NRXN1: variants seen among roughly 807,000 people sequenced by gnomAD.
NRXN1 encodes neurexin-1.
Under a neutral mutation model 150.9 loss-of-function variants are expected in NRXN1, and 39 were observed. That is an observed-to-expected ratio of 0.26 (90% CI 0.20 to 0.34). The LOEUF (loss-of-function observed/expected upper bound fraction) is 0.34. Among genes scored for constraint, NRXN1 ranks in the 10% least tolerant of loss-of-function variants. The pLI is 1.00. For synonymous variants in NRXN1, 924 were observed against 757.0 expected (o/e 1.22, Z -3.62); for missense variants, 1,815 against 1,949.9 (o/e 0.93, Z 1.30).
intron 8 of NRXN1, among the ~76,000 whole-genome samples, chr2:50,563,732 G>A (rs992199487): frequency 2.6e-5 from 4 of 152,160 alleles, no homozygotes; most frequent in African/African-American, 9.7e-5. Flanking sequence ...TGTATGGACA[G>A]TTTTTATGAT....
At chr2:50,438,439 G>T (rs182745796) in intron 17 of NRXN1, among the ~76,000 whole-genome samples, 26 of 152,266 alleles carry the variant, frequency 1.7e-4, no homozygotes, top group Non-Finnish European at 2.9e-4. Flanking sequence ...CACTGGAACT[G>T]GGGGGAGTGG....
At chr2:50,447,737 T>TAATATATATATATATA (rs2086562012) in intron 17 of NRXN1, among the ~76,000 whole-genome samples, 1 of 37,930 alleles carries the variant, frequency 2.6e-5, no homozygotes, top group Non-Finnish European at 4.3e-5. Context: ...CAGGGGAACG[T>TAATATATATATATATA]TATATATATA....
intron 17 of NRXN1, among the ~76,000 whole-genome samples, chr2:50,334,421 C>G (rs1337643827): frequency 6.6e-6 from 1 of 151,956 alleles, no homozygotes; most frequent in Non-Finnish European, 1.5e-5. Context: ...ATAAGATTGC[C>G]TTTCTCTCTA....
chr2:50,594,407 C>G (rs1674811106), intron 8 of NRXN1, among the ~76,000 whole-genome samples: 1 of 152,094 alleles, frequency 6.6e-6, no homozygotes, highest in African/African-American at 2.4e-5. Flanking sequence ...AATCAACATG[C>G]ACATCAGCAC....
At chr2:50,278,452 A>G (rs2070960414) in intron 17 of NRXN1, among the ~76,000 whole-genome samples, 1 of 149,796 alleles carries the variant, frequency 6.7e-6, no homozygotes, top group African/African-American at 2.5e-5. Flanking sequence ...GTGCCTGGCC[A>G]TTGATCATAG....
chr2:50,831,885 G>A (rs1419200542), intron 5 of NRXN1, among the ~76,000 whole-genome samples: 1 of 152,186 alleles, frequency 6.6e-6, no homozygotes, highest in Non-Finnish European at 1.5e-5. Context: ...TTTGTGCACA[G>A]ATGCACAGAG....
chr2:50,219,781 G>C (rs2152855228), intron 18 of NRXN1, among the ~76,000 whole-genome samples: 1 of 149,440 alleles, frequency 6.7e-6, no homozygotes, highest in East Asian at 2.0e-4. Context: ...CCAGATACTT[G>C]AGAGGCTAAG....
rs1207302013 is a variant in NRXN1 at position 51,028,940 on chromosome 2, C to A, written c.-667G>T. On this transcript the variant is annotated 5_prime_UTR_variant, in exon 2 of 23. Transcript: ENST00000401669. ...TCTGTCATAGCATGGGCTTCAGCAC[C>A]GCTGCAGCCAAAGCCTAATTCCTTG... 1 of 152,180 alleles carries A rather than the reference C, an allele frequency of 6.6e-6. No homozygotes were observed. Among genetic ancestry groups the A allele is most frequent in the South Asian group, 2.1e-4 (1 of 4,824 alleles). The allele number at this position is 152,180 out of a possible 1,614,324, so 9.4% of individuals were successfully genotyped here.
intron 5 of NRXN1, among the ~76,000 whole-genome samples, chr2:50,818,978 T>C (rs1358237110): frequency 6.6e-6 from 1 of 152,066 alleles, no homozygotes; most frequent in East Asian, 1.9e-4. Context: ...AGCAATGCGA[T>C]ATCAACCGAC....
At chr2:50,964,542 A>G (rs993930076) in intron 2 of NRXN1, among the ~76,000 whole-genome samples, 2 of 151,458 alleles carry the variant, frequency 1.3e-5, no homozygotes, top group Non-Finnish European at 1.5e-5. Flanking sequence ...AGATATTCAG[A>G]TGTTTAAAAT....
intron 5 of NRXN1, among the ~76,000 whole-genome samples, chr2:50,694,250 A>G (rs1160747731): frequency 6.6e-6 from 1 of 152,200 alleles, no homozygotes; most frequent in East Asian, 1.9e-4. Context: ...CTAGAAAGAA[A>G]AGATTCCAGA....
At chr2:50,788,055 C>G (rs1705382404) in intron 5 of NRXN1, among the ~76,000 whole-genome samples, 1 of 151,434 alleles carries the variant, frequency 6.6e-6, no homozygotes. Context: ...CTTTACAATT[C>G]CAGTTTTCTA....
intron 5 of NRXN1, among the ~76,000 whole-genome samples, chr2:50,643,994 C>A (rs1684436842): frequency 6.6e-6 from 1 of 151,778 alleles, no homozygotes; most frequent in South Asian, 2.1e-4. Flanking sequence ...TATTCAGAGG[C>A]ACAAAGTTGT....
At chr2:50,567,185 G>A (rs1313779733) in intron 8 of NRXN1, among the ~76,000 whole-genome samples, 1 of 152,140 alleles carries the variant, frequency 6.6e-6, no homozygotes, top group Non-Finnish European at 1.5e-5. Context: ...TGTTTTGAAT[G>A]TTAAGAATTC....
intron 5 of NRXN1, among the ~76,000 whole-genome samples, chr2:50,876,675 G>A (rs983178474): frequency 1.3e-4 from 20 of 151,710 alleles, no homozygotes; most frequent in African/African-American, 4.8e-4. Flanking sequence ...GATCAAATAT[G>A]CCAGTTTATC....
chr2:50,548,730 A>T (rs1057182822), intron 9 of NRXN1, among the ~76,000 whole-genome samples: 1 of 152,014 alleles, frequency 6.6e-6, no homozygotes, highest in Non-Finnish European at 1.5e-5. Flanking sequence ...AAAGTGGGTA[A>T]TATTAAAATT....
intron 21 of NRXN1, among the ~76,000 whole-genome samples, chr2:49,956,924 A>G (rs1675066811): frequency 1.3e-5 from 2 of 152,164 alleles, no homozygotes; most frequent in African/African-American, 2.4e-5. Flanking sequence ...TTTGCCATAT[A>G]ATCATGAATG....
intron 2 of NRXN1, among the ~76,000 whole-genome samples, chr2:50,944,461 C>T (rs534649191): frequency 6.6e-5 from 10 of 152,230 alleles, no homozygotes; most frequent in African/African-American, 2.4e-4. Flanking sequence ...GTAAAAATCA[C>T]ATATATTATG....
chr2:50,701,944 C>T (rs763826988), intron 5 of NRXN1, among the ~76,000 whole-genome samples: 7 of 151,924 alleles, frequency 4.6e-5, no homozygotes, highest in Admixed American at 1.3e-4. Flanking sequence ...GTTGCTTTTT[C>T]GTATATTTGA....
Sources: allele counts gnomAD v4.1 joint callset (sites outside exome capture counted in the v4.1 genomes callset), GRCh38; gene constraint gnomAD v4.1.1; transcripts MANE v1.5; gene names NCBI Gene and HGNC (gene_info 2026-07-23, HGNC 2026-07-21).